The following SLC7A14 variants were observed in gnomAD, a reference collection of about 807,000 sequenced individuals.
SLC7A14 encodes the protein gamma-aminobutyric acid transporter SLC7A14.
Under a neutral mutation model 60.2 loss-of-function variants are expected in SLC7A14, and 37 were observed. The observed-to-expected ratio is 0.61, with a 90% CI of 0.47 to 0.81. The LOEUF is 0.81. SLC7A14 is among the 30% of genes least tolerant of loss of function. The pLI is 0.00. For missense variants in SLC7A14, 886 were observed against 982.7 expected (o/e 0.90, Z 1.32); for synonymous variants, 399 against 395.8 (o/e 1.01, Z -0.10).
intron 2 of SLC7A14, among the ~76,000 whole-genome samples, chr3:170,507,536 A>G (rs1044434494): frequency 9.2e-5 from 14 of 152,104 alleles, no homozygotes; most frequent in African/African-American, 3.1e-4. Flanking sequence ...AGTCAGAAAA[A>G]AAATAGAGGA....
At chr3:170,569,724 C>T (rs1233806153) in intron 1 of SLC7A14, among the ~76,000 whole-genome samples, 6 of 152,024 alleles carry the variant, frequency 3.9e-5, no homozygotes, top group Non-Finnish European at 7.3e-5. Context: ...CAACTTCTTC[C>T]TGGTTTAGTC....
intron 1 of SLC7A14, among the ~76,000 whole-genome samples, chr3:170,542,494 G>T (rs1714050975): frequency 6.6e-6 from 1 of 152,168 alleles, no homozygotes; most frequent in South Asian, 2.1e-4. Flanking sequence ...TCTGCCTCTT[G>T]CATGTCCCTT....
At position 170,526,985 on chromosome 3, in the gene SLC7A14, C is replaced by CT; in HGVS notation, c.-50_-49insA. 1 of 1,559,302 alleles carries CT rather than the reference C, an allele frequency of 6.4e-7. No homozygotes were observed. The highest frequency in any genetic ancestry group is 8.7e-7 in the Non-Finnish European group (1 of 1,152,672). ...AAGGTCAGCTGATGGAAGGGGGCTA[C>CT]AAAGCCTTAGTGGATGGTTCTGGAA... On this transcript the variant is annotated 5_prime_UTR_variant, in exon 2 of 8. Coordinates refer to ENST00000231706, the MANE Select transcript of SLC7A14 (RefSeq NM_020949.3).
chr3:170,526,516 T>C (rs1713504837), intron 2 of SLC7A14, 117 bp downstream of exon 2: 3 of 1,284,660 alleles, frequency 2.3e-6, no homozygotes, highest in South Asian at 2.9e-5. Context: ...AGCATGATGA[T>C]CCACTTTTCT....
rs1407765847 is a variant in SLC7A14, at chr3:170,486,304, C to G, written c.824G>C (p.Gly275Ala). The G allele has an allele frequency of 1.2e-6, 2 of 1,614,180 alleles. No individual in the cohort carries two copies. The highest frequency in any genetic ancestry group is 2.2e-5 in the South Asian group (2 of 91,080). The change falls in exon 5 of 8, where the codon GGA becomes GCA. Residue 275 changes from glycine to alanine, a missense_variant. Coordinates refer to ENST00000231706, the MANE Select transcript of SLC7A14 (RefSeq NM_020949.3). ...FIGFDIIATT[G>A]EEAKNPNTSI... is the part of the protein sequence containing the mutation. ...CGTGTTGGGATTCTTGGCTTCCTCT[C>G]CAGTGGTGGCGATGATGTCAAAGCC...
chr3:170,511,241 T>C (rs562305069), intron 2 of SLC7A14, among the ~76,000 whole-genome samples: 1 of 151,898 alleles, frequency 6.6e-6, no homozygotes, highest in Non-Finnish European at 1.5e-5. Flanking sequence ...CTAACAAAAA[T>C]ACAAAATTAG....
intron 1 of SLC7A14, among the ~76,000 whole-genome samples, chr3:170,560,435 T>C (rs1714614580): frequency 1.3e-5 from 2 of 152,214 alleles, no homozygotes; most frequent in African/African-American, 4.8e-5. Flanking sequence ...AAATGGGCAA[T>C]GGTTAGGAGC....
intron 2 of SLC7A14, among the ~76,000 whole-genome samples, chr3:170,523,964 G>A (rs1239803464): frequency 6.6e-6 from 1 of 152,188 alleles, no homozygotes; most frequent in Non-Finnish European, 1.5e-5. Context: ...GCCTGACTAG[G>A]GGCTCTGGGA....
At chr3:170,552,794 A>C (rs6799508) in intron 1 of SLC7A14, among the ~76,000 whole-genome samples, 121,530 of 152,170 alleles carry the variant, frequency 0.8, 49,160 homozygotes, top group African/African-American at 0.95. Flanking sequence ...AAAATAGGAA[A>C]CTGTCCAGGT....
At chr3:170,468,395 T>C (rs1178479276) in intron 7 of SLC7A14, among the ~76,000 whole-genome samples, 1 of 152,082 alleles carries the variant, frequency 6.6e-6, no homozygotes, top group Non-Finnish European at 1.5e-5. Context: ...CCTCATGGGC[T>C]CAAGCGATTC....
chr3:170,498,744 T>G lies in SLC7A14; in HGVS notation c.682A>C (p.Ile228Leu). Reference sequence around the variant, plus strand: ...ATGAAGAAGAGGCCTGCGATCATGATGAACACCCATACTGCCAGGTTCAGC... The same window carrying G: ...ATGAAGAAGAGGCCTGCGATCATGAGGAACACCCATACTGCCAGGTTCAGC... ...NVLNLAVWVF[I>L]MIAGLFFING... Residue 228 changes from isoleucine to leucine, a missense_variant, in exon 4 of 8, where the codon ATC (isoleucine) becomes CTC (leucine). By Grantham distance (5) the Ile-to-Leu change is conservative (BLOSUM62 2). Transcript: ENST00000231706. 1 of 1,614,196 alleles carries G rather than the reference T, an allele frequency of 6.2e-7. No homozygotes were observed. The highest frequency in any genetic ancestry group is 8.5e-7 in the Non-Finnish European group (1 of 1,180,048).
chr3:170,511,513 T>C (rs1712979432), intron 2 of SLC7A14, among the ~76,000 whole-genome samples: 1 of 152,206 alleles, frequency 6.6e-6, no homozygotes, highest in Non-Finnish European at 1.5e-5. Flanking sequence ...TGATATCTAC[T>C]ATGCAGGTTG....
intron 7 of SLC7A14, among the ~76,000 whole-genome samples, chr3:170,469,971 T>C (rs1739839938): frequency 6.6e-6 from 1 of 152,080 alleles, no homozygotes; most frequent in Non-Finnish European, 1.5e-5. Context: ...CACAAGGTAT[T>C]TTGGGTGTCA....
intron 1 of SLC7A14, among the ~76,000 whole-genome samples, chr3:170,543,950 A>G (rs978206454): frequency 2.0e-5 from 3 of 151,690 alleles, no homozygotes; most frequent in Admixed American, 6.6e-5. Flanking sequence ...GGGTTTCACT[A>G]TGTTGGCCTG....
chr3:170,492,828 T>C (rs1712263604), intron 4 of SLC7A14, among the ~76,000 whole-genome samples: 2 of 152,140 alleles, frequency 1.3e-5, no homozygotes, highest in African/African-American at 4.8e-5. Context: ...GGGAGATAAT[T>C]AGGCGCCTTT....
intron 1 of SLC7A14, among the ~76,000 whole-genome samples, chr3:170,577,029 A>T (rs1257215174): frequency 6.6e-6 from 1 of 152,218 alleles, no homozygotes; most frequent in African/African-American, 2.4e-5. Context: ...AGAATTGGGT[A>T]TCAACAGCTT....
rs937798981 is a variant in SLC7A14 at position 170,532,965 on chromosome 3, C to T, written c.-152-5877G>A. ...TTGCTTAGGCCTTTGGGTGTTATGC[C>T]TCCTCTCATTCTTCTATACTTTTGA... On this transcript the variant is annotated intron_variant, in intron 1 of 7. Coordinates refer to ENST00000231706, the MANE Select transcript of SLC7A14 (RefSeq NM_020949.3). The surrounding 1 kb of genome is among the most constrained non-coding windows in gnomAD (Gnocchi z 4.0). 1.3e-5 allele frequency among the ~76,000 whole-genome samples: 2 copies of T among 151,908 alleles called. No individual in the cohort carries two copies. The highest frequency in any genetic ancestry group is 2.4e-5 in the African/African-American group (1 of 41,342).
At chr3:170,493,922 T>C (rs1712302264) in intron 4 of SLC7A14, among the ~76,000 whole-genome samples, 1 of 152,164 alleles carries the variant, frequency 6.6e-6, no homozygotes, top group Admixed American at 6.5e-5. Flanking sequence ...ACATATATCA[T>C]CCCCAAGTTT....
intron 2 of SLC7A14, among the ~76,000 whole-genome samples, chr3:170,519,093 G>C (rs941876015): frequency 6.6e-6 from 1 of 152,162 alleles, no homozygotes; most frequent in African/African-American, 2.4e-5. Context: ...AAAATGCAAA[G>C]TGGAAACAGA....
Sources: allele counts gnomAD v4.1 joint callset (sites outside exome capture counted in the v4.1 genomes callset), GRCh38; gene constraint gnomAD v4.1.1; non-coding constraint Gnocchi (gnomAD v3.1); transcripts MANE v1.5; gene names NCBI Gene and HGNC (gene_info 2026-07-23, HGNC 2026-07-21).